PREX2: variants seen among roughly 807,000 people sequenced by gnomAD.
PREX2 encodes phosphatidylinositol 3,4,5-trisphosphate-dependent Rac exchanger 2 protein.
A neutral mutation model predicts 203.2 loss-of-function variants in PREX2; 107 were observed. The ratio of observed to expected loss-of-function variants is 0.53; its 90% CI spans 0.45 to 0.62. The LOEUF (loss-of-function observed/expected upper bound fraction) is 0.62. Ranked by LOEUF, PREX2 falls within the 20% of genes least tolerant of loss-of-function variation. The probability of loss-of-function intolerance (pLI) is 0.00; values close to 1 mark genes in which losing one functional copy is unlikely to be tolerated. For missense variants in PREX2, 1,777 were observed against 1,955.9 expected (o/e 0.91, Z 1.72); for synonymous variants, 672 against 663.6 (o/e 1.01, Z -0.19).
At chr8:68,164,638 A>C (rs1811724128) in intron 35 of PREX2, among the ~76,000 whole-genome samples, 1 of 137,716 alleles carries the variant, frequency 7.3e-6, no homozygotes, top group South Asian at 2.2e-4. Context: ...GCGGGAGTGC[A>C]GTGGCACGAT....
chr8:68,045,192 T>G (rs1808314508), intron 8 of PREX2, among the ~76,000 whole-genome samples: 1 of 152,022 alleles, frequency 6.6e-6, no homozygotes, highest in African/African-American at 2.4e-5. Flanking sequence ...TCACAAACAT[T>G]AAGTAAAGTT....
intron 25 of PREX2, among the ~76,000 whole-genome samples, chr8:68,111,603 G>A (rs1373468999): frequency 2.0e-5 from 3 of 152,118 alleles, no homozygotes; most frequent in African/African-American, 7.2e-5. Context: ...ACCCAACTGA[G>A]TGTGTTTATT....
intron 8 of PREX2, among the ~76,000 whole-genome samples, chr8:68,050,955 A>C (rs532169648): frequency 6.6e-6 from 1 of 152,132 alleles, no homozygotes; most frequent in Non-Finnish European, 1.5e-5. Flanking sequence ...GTGTTTAGAC[A>C]GAGTTGAGTT....
chr8:68,013,390 T>C (rs890891842), intron 1 of PREX2, among the ~76,000 whole-genome samples: 3 of 152,164 alleles, frequency 2.0e-5, no homozygotes, highest in East Asian at 1.9e-4. Context: ...GAACCTCAGA[T>C]TGGAATGGCT....
chr8:68,109,726 G>A (rs1810500015), intron 25 of PREX2, 103 bp downstream of exon 25: 1 of 949,402 alleles, frequency 1.1e-6, no homozygotes, highest in Non-Finnish European at 1.6e-6. Context: ...TGGAAATTTA[G>A]GAGATTTGTG....
intron 39 of PREX2, among the ~76,000 whole-genome samples, chr8:68,225,302 CA>C (rs1813036979): frequency 1.3e-5 from 2 of 152,078 alleles, no homozygotes; most frequent in African/African-American, 4.8e-5. Context: ...CAAATATTTA[CA>C]GTTCACACAG....
intron 35 of PREX2, among the ~76,000 whole-genome samples, chr8:68,167,320 G>A (rs898427631): frequency 2.3e-5 from 3 of 132,320 alleles, no homozygotes; most frequent in East Asian, 2.3e-4. Context: ...CAGCAATGAT[G>A]TGTTCTCTTC....
chr8:68,191,642 T>G, intron 35 of PREX2, 80 bp from the exon 36 acceptor site: 1 of 1,006,590 alleles, frequency 9.9e-7, no homozygotes, highest in South Asian at 1.4e-5. Context: ...TAAAAAAAAG[T>G]CAGTGATTCT....
intron 1 of PREX2, among the ~76,000 whole-genome samples, chr8:67,999,294 T>C (rs1806862951): frequency 6.6e-6 from 1 of 151,886 alleles, no homozygotes; most frequent in South Asian, 2.1e-4. Flanking sequence ...GGATGTTACC[T>C]CTGACCTAGA....
At chr8:68,065,100 A>T (rs1415712175) in intron 11 of PREX2, among the ~76,000 whole-genome samples, 1 of 152,236 alleles carries the variant, frequency 6.6e-6, no homozygotes, top group Non-Finnish European at 1.5e-5. Context: ...AATGCAGAAC[A>T]GTTCAGCGTT....
At chr8:68,211,398 A>C (rs1812739756) in intron 37 of PREX2, among the ~76,000 whole-genome samples, 1 of 152,212 alleles carries the variant, frequency 6.6e-6, no homozygotes, top group Admixed American at 6.5e-5. Context: ...AAACCTTTTA[A>C]ATAGTTGAAA....
At chr8:68,187,274 G>A (rs930787883) in intron 35 of PREX2, among the ~76,000 whole-genome samples, 3 of 151,944 alleles carry the variant, frequency 2.0e-5, no homozygotes, top group East Asian at 3.9e-4. Flanking sequence ...AATTCTACTT[G>A]CACACTGATC....
intron 24 of PREX2, among the ~76,000 whole-genome samples, 184 bp from the exon 25 acceptor site, chr8:68,109,232 T>C (rs886266228): frequency 6.6e-6 from 1 of 152,200 alleles, no homozygotes; most frequent in African/African-American, 2.4e-5. Context: ...TGTGAAGTAA[T>C]ACATATGTTA....
rs776869080 is a variant in PREX2, at chr8:68,159,857, T to TC, written c.4346+2424dup. Reference sequence around the variant, plus strand: ...GAAATTAAGAGTACTCACAAATAGTTCCCAAATTTTGGAGAAATGTGATAC... The same window carrying TC: ...GAAATTAAGAGTACTCACAAATAGTTCCCCAAATTTTGGAGAAATGTGATAC... On this transcript the variant is annotated intron_variant, in intron 35 of 39. Coordinates refer to ENST00000288368, the MANE Select transcript of PREX2 (RefSeq NM_024870.4). Among the ~76,000 whole-genome samples, 10 of 152,208 alleles carry TC rather than the reference T, an allele frequency of 6.6e-5. No individual in the cohort carries two copies. In the Middle Eastern group the frequency reaches 0.01, roughly 155 times the overall value.
rs1203455066 is a variant in PREX2, at chr8:68,224,991, G to A, written c.4775+365G>A. Among the ~76,000 whole-genome samples, 6 of 152,088 alleles carry A rather than the reference G, an allele frequency of 3.9e-5. No homozygotes were observed. The South Asian group carries it at 1.2e-3, about 32-fold the overall frequency. On this transcript the variant is annotated intron_variant, in intron 39 of 39. Coordinates refer to ENST00000288368, the MANE Select transcript of PREX2 (RefSeq NM_024870.4). ...GCCTTTCCCATATGTGTTTGTATGG[G>A]AAACTCCTATTTCACTGCAAAACCT... is the stretch of plus-strand genomic sequence containing the variant.
At chr8:68,204,175 T>C (rs889317038) in intron 37 of PREX2, among the ~76,000 whole-genome samples, 2 of 151,642 alleles carry the variant, frequency 1.3e-5, no homozygotes, top group Non-Finnish European at 2.9e-5. Context: ...CATAGTCATA[T>C]ACATTCCTGG....
chr8:68,129,754 A>G (rs1810964351), intron 31 of PREX2, among the ~76,000 whole-genome samples: 2 of 152,152 alleles, frequency 1.3e-5, no homozygotes, highest in Non-Finnish European at 2.9e-5. Flanking sequence ...ATAGGTGCTT[A>G]AATACTGAAA....
At position 68,018,655 on chromosome 8, in the gene PREX2, T is replaced by A. The variant is rs138149018; in HGVS notation, c.213+738T>A. Among the ~76,000 whole-genome samples the A allele has an allele frequency of 2.0e-5, 3 of 152,112 alleles. No individual in the cohort carries two copies. The East Asian group carries it at 5.8e-4, about 29-fold the overall frequency. ...TATTTCAATGGTTCACTCCACATAA[T>A]ATCCTTAATTCAGAAACAGACATAT... On this transcript the variant is annotated intron_variant, in intron 2 of 39. Transcript: ENST00000288368.
At chr8:68,027,947 C>T (rs1271804981) in intron 5 of PREX2, among the ~76,000 whole-genome samples, 1 of 151,976 alleles carries the variant, frequency 6.6e-6, no homozygotes, top group Admixed American at 6.6e-5. Flanking sequence ...AACTACTGCC[C>T]TTACTGCAAG....
Sources: gnomAD v4.1 joint callset for allele counts (sites outside exome capture counted in the v4.1 genomes callset) on GRCh38, gnomAD v4.1.1 for gene constraint, MANE v1.5 for transcripts, NCBI Gene and HGNC (gene_info 2026-07-23, HGNC 2026-07-21) for gene names.